The following LMO7 variants were observed in gnomAD, a reference collection of about 807,000 sequenced individuals.
The protein encoded by LMO7 is LIM domain 7.
A neutral mutation model predicts 206.5 loss-of-function variants in LMO7; 120 were observed. That is an observed-to-expected ratio of 0.58 (90% confidence interval 0.50 to 0.68). The LOEUF (loss-of-function observed/expected upper bound fraction) is 0.68. Among genes scored for constraint, LMO7 ranks in the 30% least tolerant of loss-of-function variants. LMO7 has a pLI of 0.00. For synonymous variants in LMO7, 706 were observed against 681.5 expected (o/e 1.04, Z -0.56); for missense variants, 1,959 against 1,957.9 (o/e 1.00, Z -0.01).
At chr13:75,849,319 CTTGTCTT>C in intron 27 of LMO7, 27 bp downstream of exon 27, 2 of 1,524,388 alleles carry the variant, frequency 1.3e-6, no homozygotes, top group Non-Finnish European at 9.1e-7. Context: ...GAATTGGTTT[CTTGTCTT>C]TACTGTGAGG....
intron 3 of LMO7, among the ~76,000 whole-genome samples, chr13:75,757,557 C>T (rs1392592197): frequency 2.0e-5 from 3 of 152,054 alleles, no homozygotes; most frequent in African/African-American, 7.2e-5. Flanking sequence ...TCTAAGTTAC[C>T]CTAGCCCACT....
intron 1 of LMO7, among the ~76,000 whole-genome samples, chr13:75,677,478 G>A (rs2040107409): frequency 6.6e-6 from 1 of 152,022 alleles, no homozygotes; most frequent in African/African-American, 2.4e-5. Context: ...ATATTTTAGC[G>A]AAAATATCAG....
chr13:75,709,559 C>T (rs2042919273), intron 1 of LMO7, among the ~76,000 whole-genome samples: 2 of 152,300 alleles, frequency 1.3e-5, no homozygotes, highest in South Asian at 2.1e-4. Flanking sequence ...TGATGATGAG[C>T]ATTTTTTCAT....
rs116708777 is a variant in LMO7, at chr13:75,669,432, G to C, written c.69+32706G>C. ...CAAATTAGGATTCCCTAGTGGCCTA[G>C]AGCAATCTCAGAGTGAAGGTGGAAG... On this transcript the variant is annotated intron_variant, in intron 1 of 30. Transcript: ENST00000377534. 1.5e-3 allele frequency among the ~76,000 whole-genome samples: 230 copies of C among 152,258 alleles called. 2 individuals are homozygous for C. Among genetic ancestry groups the C allele is most frequent in the African/African-American group, 5.3e-3 (220 of 41,552 alleles).
intron 3 of LMO7, among the ~76,000 whole-genome samples, chr13:75,746,280 A>T (rs1031829743): frequency 1.3e-5 from 2 of 152,294 alleles, no homozygotes; most frequent in South Asian, 2.1e-4. Flanking sequence ...ATATATATAT[A>T]TAAAAGAGTG....
intron 4 of LMO7, among the ~76,000 whole-genome samples, chr13:75,777,117 C>T (rs1394075276): frequency 6.6e-6 from 1 of 152,204 alleles, no homozygotes; most frequent in African/African-American, 2.4e-5. Flanking sequence ...TGCATCTCAT[C>T]GCCAGCTCAG....
chr13:75,642,442 C>CAAAAA (rs5804829), intron 1 of LMO7, among the ~76,000 whole-genome samples: 4 of 72,376 alleles, frequency 5.5e-5, no homozygotes, highest in Non-Finnish European at 7.6e-5. Flanking sequence ...CCATCTCTAC[C>CAAAAA]AAAAAAAAAA....
chr13:75,833,227 T>TGG, intron 16 of LMO7, 62 bp downstream of exon 16: 1 of 983,286 alleles, frequency 1.0e-6, no homozygotes, highest in Non-Finnish European at 1.6e-6. Context: ...ATTGTGGGGT[T>TGG]GGGGACCACA....
At chr13:75,732,320 G>A (rs1057097472) in intron 3 of LMO7, among the ~76,000 whole-genome samples, 5 of 151,784 alleles carry the variant, frequency 3.3e-5, no homozygotes, top group African/African-American at 1.2e-4. Flanking sequence ...CGCTTTGTTT[G>A]TTTCTTTTTA....
At chr13:75,717,263 T>G (rs1389676074) in intron 2 of LMO7, among the ~76,000 whole-genome samples, 2 of 150,178 alleles carry the variant, frequency 1.3e-5, no homozygotes, top group African/African-American at 4.9e-5. Flanking sequence ...CTCGGGAGGC[T>G]GAGGCAGGAG....
chr13:75,736,047 G>T (rs988400265), intron 3 of LMO7, among the ~76,000 whole-genome samples: 46 of 152,048 alleles, frequency 3.0e-4, no homozygotes, highest in African/African-American at 1.1e-3. Flanking sequence ...GTTGGCCAGT[G>T]GAGGTTTTAT....
intron 9 of LMO7, 79 bp downstream of exon 9, chr13:75,805,839 A>C: frequency 7.1e-7 from 1 of 1,402,554 alleles, no homozygotes; most frequent in South Asian, 1.4e-5. Context: ...TGTTTTTTAT[A>C]ATAATAAGAG....
At chr13:75,766,491 T>A (rs1341587255) in intron 4 of LMO7, among the ~76,000 whole-genome samples, 1 of 151,818 alleles carries the variant, frequency 6.6e-6, no homozygotes, top group African/African-American at 2.4e-5. Context: ...TGATTCAGCA[T>A]CTTCTATGTG....
intron 29 of LMO7, among the ~76,000 whole-genome samples, chr13:75,855,952 C>T (rs2060897196): frequency 6.6e-6 from 1 of 152,180 alleles, no homozygotes; most frequent in Non-Finnish European, 1.5e-5. Flanking sequence ...TCCTGGAGGC[C>T]CGCAGACCAC....
In LMO7 at chr13:75,825,077, T is replaced by C. The variant is rs577416596; in HGVS notation, c.2949+1204T>C. On this transcript the variant is annotated intron_variant, in intron 15 of 30. Transcript: ENST00000377534. ...AATCACTGTTAACATCTAGGTATAT[T>C]TCTTTTGTTTTTTTTTCCCATGCAT... 5.9e-5 allele frequency among the ~76,000 whole-genome samples: 9 copies of C among 152,146 alleles called. No individual in the cohort carries two copies. The South Asian group carries it at 1.7e-3, about 28-fold the overall frequency.
rs188922616 is a variant in LMO7, at chr13:75,687,789, A to G, written c.70-25393A>G. Among the ~76,000 whole-genome samples, 4 of 152,296 alleles carry G rather than the reference A, an allele frequency of 2.6e-5. No individual in the cohort carries two copies. The East Asian group carries it at 5.8e-4, about 22-fold the overall frequency. On this transcript the variant is annotated intron_variant, in intron 1 of 30. Transcript: ENST00000377534. ...GAGATAGACTCTCTTGGTACTTATG[A>G]TTAATCCATTATGAACAGCAATCTT...
chr13:75,805,020 T>C (rs2055258445), intron 8 of LMO7: 1 of 1,000,954 alleles, frequency 1.0e-6, no homozygotes, highest in African/African-American at 1.7e-5. Context: ...TTTGGATGAC[T>C]TAGCCAACCG....
At chr13:75,662,131 C>T (rs1010302103) in intron 1 of LMO7, among the ~76,000 whole-genome samples, 1 of 152,024 alleles carries the variant, frequency 6.6e-6, no homozygotes, top group Admixed American at 6.5e-5. Flanking sequence ...GACAATAGAG[C>T]TTCTAATTTT....
intron 2 of LMO7, among the ~76,000 whole-genome samples, chr13:75,722,357 AAAC>A (rs2138429656): frequency 6.6e-6 from 1 of 152,320 alleles, no homozygotes; most frequent in Non-Finnish European, 1.5e-5. Context: ...ATCAAGAAAA[AAAC>A]AATCCCATCA....
Sources: allele counts gnomAD v4.1 joint callset (sites outside exome capture counted in the v4.1 genomes callset), GRCh38; gene constraint gnomAD v4.1.1; transcripts MANE v1.5; gene names NCBI Gene and HGNC (gene_info 2026-07-23, HGNC 2026-07-21).